KMT2C: variants seen among roughly 807,000 people sequenced by gnomAD.
KMT2C encodes the protein histone-lysine N-methyltransferase 2C.
Under a neutral mutation model 507.9 loss-of-function variants are expected in KMT2C, and 88 were observed. The ratio of observed to expected loss-of-function variants is 0.17; its 90% CI spans 0.15 to 0.21. The LOEUF (loss-of-function observed/expected upper bound fraction) is 0.21. Among genes scored for constraint, KMT2C ranks in the 10% least tolerant of loss-of-function variants. KMT2C has a pLI of 1.00. For missense variants in KMT2C, 4,954 were observed against 5,957.8 expected, an observed-to-expected ratio of 0.83 and a Z score of 5.55; for synonymous variants, 2,049 against 2,080.8, an observed-to-expected ratio of 0.98 and a Z score of 0.42.
chr7:152,218,603 ATAAG>A (rs1261272045), intron 23 of KMT2C, among the ~76,000 whole-genome samples: 11 of 152,228 alleles, frequency 7.2e-5, no homozygotes, highest in Non-Finnish European at 4.4e-5. Context: ...TAAAATATAA[ATAAG>A]ATCATGGTGT....
chr7:152,289,757 T>C (rs923340577), intron 6 of KMT2C, among the ~76,000 whole-genome samples: 9 of 152,174 alleles, frequency 5.9e-5, no homozygotes, highest in African/African-American at 2.2e-4. Context: ...AATGTGAATT[T>C]TGTTATTTAT....
chr7:152,422,029 A>C (rs1247255197), intron 1 of KMT2C, among the ~76,000 whole-genome samples: 1 of 152,208 alleles, frequency 6.6e-6, no homozygotes, highest in East Asian at 1.9e-4. Flanking sequence ...AAAGATTACA[A>C]AAGTTGAAGT....
In KMT2C at chr7:152,205,098, T is replaced by G. The variant is rs188125260; in HGVS notation, c.3961+8A>C. Reference sequence around the variant, plus strand: ...AAAAAAAAATTTTTTTTTAAGTCAGTACTATACCATCATCTCTGCAAGGTA... The same window carrying G: ...AAAAAAAAATTTTTTTTTAAGTCAGGACTATACCATCATCTCTGCAAGGTA... On this transcript the variant is annotated splice_region_variant and intron_variant, in intron 25 of 58. Coordinates refer to ENST00000262189, the MANE Select transcript of KMT2C (RefSeq NM_170606.3). 32 of 1,601,474 alleles carry G rather than the reference T, an allele frequency of 2.0e-5. No homozygotes were observed. The Admixed American group carries it at 4.2e-4, about 21-fold the overall frequency.
At chr7:152,319,258 G>T (rs1278178509) in intron 3 of KMT2C, among the ~76,000 whole-genome samples, 1 of 152,082 alleles carries the variant, frequency 6.6e-6, no homozygotes, top group Non-Finnish European at 1.5e-5. Flanking sequence ...TCATAGATAT[G>T]ATTATACATG....
intron 1 of KMT2C, among the ~76,000 whole-genome samples, chr7:152,389,447 G>T (rs1250012506): frequency 1.3e-5 from 2 of 151,060 alleles, no homozygotes; most frequent in Non-Finnish European, 2.9e-5. Context: ...GAGGCCTCTA[G>T]TTTACACTAT....
rs2096021376 is a variant in KMT2C at position 152,273,752 on chromosome 7, T to C, written c.965A>G (p.His322Arg). The change falls in exon 7 of 59, where the codon CAC (histidine) becomes CGC (arginine). Residue 322 changes from histidine (H) to arginine (R), a missense_variant. Physicochemically the swap from His to Arg is conservative, Grantham distance 29. Coordinates refer to ENST00000262189, the MANE Select transcript of KMT2C (RefSeq NM_170606.3). ...GTGTTCTGGACAAAGCAGGAAGATG[T>C]GACTGAAATCCTGAAAGGTGCCGGC... ...AGAGTFQDFS[H>R]IFLLCPEHID... The C allele has an allele frequency of 3.1e-6, 5 of 1,614,148 alleles. No individual in the cohort carries two copies. Among genetic ancestry groups the C allele is most frequent in the Non-Finnish European group, 4.2e-6 (5 of 1,179,962 alleles).
chr7:152,409,182 T>C (rs533189463), intron 1 of KMT2C, among the ~76,000 whole-genome samples: 1 of 151,568 alleles, frequency 6.6e-6, no homozygotes, highest in South Asian at 2.1e-4. Context: ...AATTTTTGTA[T>C]TTTTTTTAGG....
chr7:152,262,090 C>T (rs13228413), intron 9 of KMT2C, among the ~76,000 whole-genome samples: 6,695 of 152,196 alleles, frequency 0.044, 231 homozygotes, highest in South Asian at 0.09. Flanking sequence ...GGTGCCAAAC[C>T]TCACTGGCGA....
At chr7:152,274,578 T>C (rs1365307315) in intron 6 of KMT2C, among the ~76,000 whole-genome samples, 1 of 152,232 alleles carries the variant, frequency 6.6e-6, no homozygotes, top group African/African-American at 2.4e-5. Flanking sequence ...GAAGAAATTA[T>C]GTAAAATGTT....
intron 1 of KMT2C, among the ~76,000 whole-genome samples, chr7:152,413,883 C>T (rs2097706461): frequency 2.5e-5 from 1 of 39,596 alleles, no homozygotes; most frequent in Admixed American, 2.1e-4. Flanking sequence ...AAAACTCCGT[C>T]TCAAAAAAAA....
chr7:152,269,060 A>T (rs567238849), intron 7 of KMT2C, among the ~76,000 whole-genome samples: 1 of 152,358 alleles, frequency 6.6e-6, no homozygotes, highest in South Asian at 2.1e-4. Context: ...AATTTTTAAC[A>T]TACCCACTAG....
intron 33 of KMT2C, among the ~76,000 whole-genome samples, chr7:152,186,082 A>C (rs762575693): frequency 4.6e-5 from 7 of 152,228 alleles, no homozygotes; most frequent in Non-Finnish European, 8.8e-5. Context: ...TAATGAGTTC[A>C]AACCATTTAT....
At position 152,180,697 on chromosome 7, in the gene KMT2C, T is replaced by C. The variant is rs948916610; in HGVS notation, c.7149+14A>G. 80 of 1,569,950 alleles carry C rather than the reference T, an allele frequency of 5.1e-5. No homozygotes were observed. Among genetic ancestry groups the C allele is most frequent in the Non-Finnish European group, 6.8e-5 (78 of 1,148,828 alleles). Reference sequence around the variant, plus strand: ...AATAATACATTTAAAACTGAGAACATACAATGTGTTTACCTGTCTCAATTT... The same window carrying C: ...AATAATACATTTAAAACTGAGAACACACAATGTGTTTACCTGTCTCAATTT... On this transcript the variant is annotated intron_variant, in intron 36 of 58. Transcript: ENST00000262189.
At chr7:152,366,732 G>C (rs754636008) in intron 1 of KMT2C, 97 of 181,034 alleles carry the variant, frequency 5.4e-4, no homozygotes, top group Admixed American at 8.7e-4. Context: ...AATAGTTAAG[G>C]GGTTGGGTGG....
chr7:152,290,273 TATATATATATATATA>T (rs2096395722), intron 6 of KMT2C, among the ~76,000 whole-genome samples: 1 of 29,752 alleles, frequency 3.4e-5, no homozygotes, highest in Admixed American at 3.9e-4. Context: ...TATATATATA[TATATATATATATATA>T]TATATATTTT....
In KMT2C at chr7:152,136,513, CA is replaced by C; in HGVS notation, c.*318del. 3.3e-6 allele frequency: 1 copy of C among 307,318 alleles called. No individual in the cohort carries two copies. Among genetic ancestry groups the C allele is most frequent in the Non-Finnish European group, 6.0e-6 (1 of 165,346 alleles). The allele number at this position is 307,318 out of a possible 1,614,324, so 19.0% of individuals were successfully genotyped here. A position where few individuals can be genotyped will look rare whatever the true frequency, so the allele number is the denominator to read the frequency against. On this transcript the variant is annotated 3_prime_UTR_variant, in exon 59 of 59. Transcript: ENST00000262189. ...CCTTAGTGAGACTAGAAAACCAAAA[CA>C]ATGAAACCCACCCACAAGGGAAAAA...
chr7:152,342,068 A>G (rs2097000028), intron 2 of KMT2C, among the ~76,000 whole-genome samples: 1 of 152,246 alleles, frequency 6.6e-6, no homozygotes, highest in Non-Finnish European at 1.5e-5. Flanking sequence ...TGTCTCATCA[A>G]GTGTACTGAC....
intron 35 of KMT2C, 86 bp from the exon 36 acceptor site, chr7:152,182,680 A>G (rs2093472054): frequency 3.3e-6 from 4 of 1,230,670 alleles, no homozygotes; most frequent in Admixed American, 2.4e-5. Flanking sequence ...CAGAAAGTTA[A>G]TTTGTTTGAT....
At chr7:152,391,851 A>G (rs2097501626) in intron 1 of KMT2C, among the ~76,000 whole-genome samples, 1 of 152,132 alleles carries the variant, frequency 6.6e-6, no homozygotes, top group East Asian at 1.9e-4. Context: ...AAAGCTCCTC[A>G]AAAGAGCTGG....
Sources: gnomAD v4.1 joint callset for allele counts (sites outside exome capture counted in the v4.1 genomes callset) on GRCh38, gnomAD v4.1.1 for gene constraint, MANE v1.5 for transcripts, NCBI Gene and HGNC (gene_info 2026-07-23, HGNC 2026-07-21) for gene names.